NLK: variants seen among roughly 807,000 people sequenced by gnomAD.
NLK encodes the protein serine/threonine-protein kinase NLK.
A neutral mutation model predicts 59.0 loss-of-function variants in NLK; 11 were observed. The observed-to-expected ratio is 0.19, with a 90% confidence interval of 0.12 to 0.31. The LOEUF is 0.31. NLK is among the 10% of genes least tolerant of loss of function. The pLI is 1.00. For missense variants in NLK, 410 were observed against 661.1 expected (o/e 0.62, Z 4.16); for synonymous variants, 235 against 235.9 (o/e 1.00, Z 0.03).
At chr17:28,176,603 T>C (rs1228117654) in intron 7 of NLK, among the ~76,000 whole-genome samples, 1 of 152,250 alleles carries the variant, frequency 6.6e-6, no homozygotes, top group Non-Finnish European at 1.5e-5. Flanking sequence ...CTCTAAAATC[T>C]ATGTTCTTAG....
intron 3 of NLK, among the ~76,000 whole-genome samples, chr17:28,142,076 C>A (rs766474489): frequency 6.6e-6 from 1 of 152,158 alleles, no homozygotes; most frequent in African/African-American, 2.4e-5. Flanking sequence ...TTTAAAATAA[C>A]ATCATTTTCT....
chr17:28,122,561 CTCTG>C (rs771293790), intron 1 of NLK, 38 bp from the exon 2 acceptor site: 19 of 1,609,064 alleles, frequency 1.2e-5, no homozygotes, highest in Non-Finnish European at 1.5e-5. Flanking sequence ...GAACTGATTT[CTCTG>C]TCTTTTTTTT....
rs35191042 is a variant in NLK, at chr17:28,042,775, A to G, written c.-99A>G. 16,004 of 1,080,506 alleles carry G rather than the reference A, an allele frequency of 0.015. 149 individuals are homozygous for G. The highest frequency in any genetic ancestry group is 0.018 in the Non-Finnish European group (13,526 of 771,658). 66.9% of individuals were successfully genotyped at this position (1,080,506 alleles called of 1,614,324 possible). On this transcript the variant is annotated 5_prime_UTR_variant, in exon 1 of 11. It removes an upstream start codon present in the reference 5' UTR. Coordinates refer to ENST00000407008, the MANE Select transcript of NLK (RefSeq NM_016231.5). ...TTGACTGATGAAGACATAAAGCTCT[A>G]TGTTTTTTGAGGTGGAGTGAGTGGT...
At chr17:28,043,365 G>T in intron 1 of NLK, 34 bp downstream of exon 1, 1 of 1,480,832 alleles carries the variant, frequency 6.8e-7, no homozygotes, top group Non-Finnish European at 9.1e-7. Context: ...ACCTCTCATG[G>T]TTTCTTCTGT....
intron 1 of NLK, among the ~76,000 whole-genome samples, chr17:28,106,197 A>G (rs1905074542): frequency 6.6e-6 from 1 of 152,182 alleles, no homozygotes; most frequent in Admixed American, 6.5e-5. Flanking sequence ...TCTTCTTTTT[A>G]GCTTTCAGAA....
At chr17:28,181,365 T>C (rs1908897668) in intron 7 of NLK, among the ~76,000 whole-genome samples, 1 of 151,882 alleles carries the variant, frequency 6.6e-6, no homozygotes, top group Non-Finnish European at 1.5e-5. Flanking sequence ...GTCACACCAC[T>C]GCACTCCAGC....
chr17:28,127,242 C>CT (rs1567721606), intron 2 of NLK, among the ~76,000 whole-genome samples: 1 of 152,160 alleles, frequency 6.6e-6, no homozygotes, highest in East Asian at 1.9e-4. Flanking sequence ...CTTGGGGTTA[C>CT]TTTTTCTTGT....
At chr17:28,086,611 C>G (rs1042090311) in intron 1 of NLK, among the ~76,000 whole-genome samples, 1 of 151,796 alleles carries the variant, frequency 6.6e-6, no homozygotes, top group Non-Finnish European at 1.5e-5. Flanking sequence ...TTTGCCTTAA[C>G]TTTATTTTTT....
At chr17:28,053,120 C>G (rs138037928) in intron 1 of NLK, among the ~76,000 whole-genome samples, 324 of 152,158 alleles carry the variant, frequency 2.1e-3, no homozygotes, top group Non-Finnish European at 3.5e-3. Flanking sequence ...CTGAACCAGT[C>G]ACTGTCAATG....
At chr17:28,144,806 A>G (rs1178354203) in intron 3 of NLK, among the ~76,000 whole-genome samples, 1 of 152,216 alleles carries the variant, frequency 6.6e-6, no homozygotes, top group African/African-American at 2.4e-5. Context: ...GCCACTAAAT[A>G]TATCAGACTT....
At chr17:28,156,383 T>C (rs1271148721) in intron 3 of NLK, among the ~76,000 whole-genome samples, 1 of 152,212 alleles carries the variant, frequency 6.6e-6, no homozygotes, top group Non-Finnish European at 1.5e-5. Flanking sequence ...ACAACAATTA[T>C]GCCATTATCA....
At chr17:28,064,659 A>G (rs1379334372) in intron 1 of NLK, among the ~76,000 whole-genome samples, 1 of 152,214 alleles carries the variant, frequency 6.6e-6, no homozygotes, top group African/African-American at 2.4e-5. Context: ...CAGCCTCCCA[A>G]GTAGCTGGGA....
At chr17:28,073,224 A>G (rs1418810170) in intron 1 of NLK, among the ~76,000 whole-genome samples, 1 of 152,144 alleles carries the variant, frequency 6.6e-6, no homozygotes, top group African/African-American at 2.4e-5. Flanking sequence ...CCTTATTCTC[A>G]TTATCGCCCT....
intron 3 of NLK, among the ~76,000 whole-genome samples, chr17:28,154,667 T>A (rs1907625995): frequency 2.0e-5 from 3 of 152,194 alleles, no homozygotes; most frequent in South Asian, 4.1e-4. Flanking sequence ...AAAACTTTTT[T>A]AAAGTATATG....
intron 7 of NLK, among the ~76,000 whole-genome samples, chr17:28,184,503 G>A (rs1284642804): frequency 6.6e-6 from 1 of 152,148 alleles, no homozygotes; most frequent in Non-Finnish European, 1.5e-5. Flanking sequence ...TTATTTGGAA[G>A]CCTCCCGTGT....
At chr17:28,129,612 G>A (rs1382567025) in intron 2 of NLK, among the ~76,000 whole-genome samples, 4 of 152,028 alleles carry the variant, frequency 2.6e-5, no homozygotes, top group Admixed American at 2.0e-4. Context: ...AGTCTCTACC[G>A]TAAAGAACTT....
chr17:28,130,392 G>A (rs1906467796), intron 2 of NLK, among the ~76,000 whole-genome samples: 2 of 152,014 alleles, frequency 1.3e-5, no homozygotes, highest in Non-Finnish European at 1.5e-5. Context: ...ACATTTTGGA[G>A]TAGAAAGAGC....
intron 7 of NLK, among the ~76,000 whole-genome samples, chr17:28,173,973 A>G (rs1334946202): frequency 2.6e-4 from 39 of 152,190 alleles, no homozygotes; most frequent in Non-Finnish European, 1.5e-4. Flanking sequence ...ACTGTTGTTA[A>G]TGGTTGCTAG....
At chr17:28,135,410 A>G (rs956872564) in intron 3 of NLK, among the ~76,000 whole-genome samples, 1 of 152,190 alleles carries the variant, frequency 6.6e-6, no homozygotes, top group African/African-American at 2.4e-5. Context: ...CTTCCCCTCC[A>G]GAGGTCAAAC....
Sources: gnomAD v4.1 joint callset for allele counts (sites outside exome capture counted in the v4.1 genomes callset) on GRCh38, gnomAD v4.1.1 for gene constraint, MANE v1.5 for transcripts, NCBI Gene and HGNC (gene_info 2026-07-23, HGNC 2026-07-21) for gene names.